IGF1R: variants seen among roughly 807,000 people sequenced by gnomAD.
The protein encoded by IGF1R is insulin like growth factor 1 receptor, also known as insulin-like growth factor 1 receptor.
A neutral mutation model predicts 144.6 loss-of-function variants in IGF1R; 44 were observed. The observed-to-expected ratio is 0.30, with a 90% CI of 0.24 to 0.39. The LOEUF (loss-of-function observed/expected upper bound fraction) is 0.39. Ranked by LOEUF, IGF1R falls within the 10% of genes least tolerant of loss-of-function variation. The probability of loss-of-function intolerance (pLI) is 1.00; values close to 1 mark genes in which losing one functional copy is unlikely to be tolerated. For missense variants in IGF1R, 1,355 were observed against 1,833.7 expected, an observed-to-expected ratio of 0.74 and a Z score of 4.77; for synonymous variants, 795 against 722.8, an observed-to-expected ratio of 1.10 and a Z score of -1.60.
intron 5 of IGF1R, 34 bp from the exon 6 acceptor site, chr15:98,908,651 G>T: frequency 2.6e-6 from 4 of 1,568,598 alleles, no homozygotes; most frequent in Non-Finnish European, 3.5e-6. Flanking sequence ...GTGGCCAAGG[G>T]CAGGTGCGCT....
chr15:98,658,138 C>A (rs150468876), intron 1 of IGF1R, among the ~76,000 whole-genome samples: 2 of 152,178 alleles, frequency 1.3e-5, no homozygotes, highest in Non-Finnish European at 2.9e-5. Context: ...TCCTGGTACT[C>A]CCCAGCATCT....
At chr15:98,680,890 C>CTTTTTTTTTTT (rs1555431223) in intron 1 of IGF1R, among the ~76,000 whole-genome samples, 1 of 132,878 alleles carries the variant, frequency 7.5e-6, no homozygotes. Context: ...ATCCTTCTTA[C>CTTTTTTTTTTT]TATATTTTTA....
In IGF1R at chr15:98,964,372, T is replaced by A; in HGVS notation, c.*6930T>A. On this transcript the variant is annotated 3_prime_UTR_variant, in exon 21 of 21. Coordinates refer to ENST00000650285, the MANE Select transcript of IGF1R (RefSeq NM_000875.5). ...TTGTATATTCTGTTGTAAGAATTTA[T>A]TCCTGTTATTGCGATATACTCTGGA... 8.7e-6 allele frequency: 2 copies of A among 230,914 alleles called. No individual in the cohort carries two copies. The highest frequency in any genetic ancestry group is 1.7e-5 in the Non-Finnish European group (2 of 116,452). 14.3% of individuals were successfully genotyped at this position (230,914 alleles called of 1,614,324 possible). A position where few individuals can be genotyped will look rare whatever the true frequency, so the allele number is the denominator to read the frequency against.
chr15:98,861,964 C>T (rs901791935), intron 2 of IGF1R, among the ~76,000 whole-genome samples: 1 of 152,150 alleles, frequency 6.6e-6, no homozygotes, highest in African/African-American at 2.4e-5. Flanking sequence ...TTTTGTTATT[C>T]CCCAATGAGG....
At position 98,963,901 on chromosome 15, in the gene IGF1R, A is replaced by G. The variant is rs1032954567; in HGVS notation, c.*6459A>G. 7 of 233,286 alleles carry G rather than the reference A, an allele frequency of 3.0e-5. No homozygotes were observed. Among genetic ancestry groups the G allele is most frequent in the Admixed American group, 5.6e-5 (1 of 17,804 alleles). 14.5% of individuals were successfully genotyped at this position (233,286 alleles called of 1,614,324 possible). A position where few individuals can be genotyped will look rare whatever the true frequency, so the allele number is the denominator to read the frequency against. ...TTGGCCATGTCTCCCCAACTCCACAATATCTCTATCATGGGAAACACCTGG... is the reference window on the plus strand; with the variant it reads ...TTGGCCATGTCTCCCCAACTCCACAGTATCTCTATCATGGGAAACACCTGG... On this transcript the variant is annotated 3_prime_UTR_variant, in exon 21 of 21. Coordinates refer to ENST00000650285, the MANE Select transcript of IGF1R (RefSeq NM_000875.5).
intron 15 of IGF1R, among the ~76,000 whole-genome samples, chr15:98,933,813 C>T (rs538376322): frequency 6.6e-6 from 1 of 152,194 alleles, no homozygotes; most frequent in East Asian, 1.9e-4. Flanking sequence ...ATTGCCTGTC[C>T]ACGCTGGGCA....
intron 1 of IGF1R, among the ~76,000 whole-genome samples, chr15:98,706,944 T>TC (rs2053878411): frequency 6.6e-6 from 1 of 151,998 alleles, no homozygotes; most frequent in Non-Finnish European, 1.5e-5. Flanking sequence ...GTTTTTAATC[T>TC]TGTTAGGTTA....
chr15:98,797,884 T>G (rs1313244464), intron 2 of IGF1R, among the ~76,000 whole-genome samples: 1 of 152,116 alleles, frequency 6.6e-6, no homozygotes, highest in Non-Finnish European at 1.5e-5. Flanking sequence ...AAATACAGAC[T>G]CACTGATTGT....
chr15:98,906,229 G>A (rs1378456187), intron 5 of IGF1R, among the ~76,000 whole-genome samples: 2 of 152,220 alleles, frequency 1.3e-5, no homozygotes, highest in African/African-American at 4.8e-5. Flanking sequence ...TTGTTCAGAA[G>A]GTATTTTTGG....
At chr15:98,751,391 A>G (rs1165235270) in intron 2 of IGF1R, among the ~76,000 whole-genome samples, 1 of 152,052 alleles carries the variant, frequency 6.6e-6, no homozygotes, top group East Asian at 1.9e-4. Context: ...AGTTTTTTGT[A>G]GAAGTGATGC....
chr15:98,700,132 C>G (rs1446551225), intron 1 of IGF1R, among the ~76,000 whole-genome samples: 1 of 152,072 alleles, frequency 6.6e-6, no homozygotes, highest in Non-Finnish European at 1.5e-5. Context: ...CTTTTCTGAT[C>G]TCTGATTTTT....
chr15:98,757,541 C>G (rs2055184732), intron 2 of IGF1R, among the ~76,000 whole-genome samples: 1 of 152,036 alleles, frequency 6.6e-6, no homozygotes, highest in African/African-American at 2.4e-5. Flanking sequence ...CTTGATGCAT[C>G]AATATGTGTA....
intron 2 of IGF1R, among the ~76,000 whole-genome samples, chr15:98,804,054 T>G (rs775690802): frequency 6.6e-6 from 1 of 152,218 alleles, no homozygotes; most frequent in Non-Finnish European, 1.5e-5. Context: ...AGGAATTTTC[T>G]AGCTATATTC....
Position 98,918,643 on chromosome 15 carries a change from G to A in IGF1R, c.2201+1767G>A, listed in dbSNP as rs139067826. Reference sequence around the variant, plus strand: ...CGCCTGTAATCCCAGCACTTTGGGAGGCTGAGGTGGGTGGATCACAAGATC... The same window carrying A: ...CGCCTGTAATCCCAGCACTTTGGGAAGCTGAGGTGGGTGGATCACAAGATC... On this transcript the variant is annotated intron_variant, in intron 10 of 20. Coordinates refer to ENST00000650285, the MANE Select transcript of IGF1R (RefSeq NM_000875.5). 8.5e-3 allele frequency among the ~76,000 whole-genome samples: 1,299 copies of A among 152,262 alleles called. 20 individuals carry two copies. Among genetic ancestry groups the A allele is most frequent in the African/African-American group, 0.024 (992 of 41,548 alleles).
chr15:98,897,024 G>C, intron 4 of IGF1R, 119 bp downstream of exon 4: 2 of 912,210 alleles, frequency 2.2e-6, no homozygotes, highest in Non-Finnish European at 3.5e-6. Context: ...ACAACATGGT[G>C]TGTAAGCCTC....
chr15:98,894,887 G>A (rs1432059473), intron 3 of IGF1R, among the ~76,000 whole-genome samples: 1 of 152,118 alleles, frequency 6.6e-6, no homozygotes, highest in Admixed American at 6.5e-5. Flanking sequence ...CGGGCCTGGT[G>A]ATGGGTGCCT....
chr15:98,851,046 G>A (rs929264509), intron 2 of IGF1R, among the ~76,000 whole-genome samples: 1 of 152,172 alleles, frequency 6.6e-6, no homozygotes, highest in African/African-American at 2.4e-5. Flanking sequence ...AACCGATTTC[G>A]GAGCACTCCT....
chr15:98,955,222 C>T (rs2016931389), intron 20 of IGF1R, among the ~76,000 whole-genome samples: 1 of 152,196 alleles, frequency 6.6e-6, no homozygotes, highest in Admixed American at 6.5e-5. Flanking sequence ...TGGCATTCTA[C>T]CGTGGGGTAG....
chr15:98,956,997 A>G (rs919188022), intron 20 of IGF1R, 64 bp from the exon 21 acceptor site: 8 of 1,593,964 alleles, frequency 5.0e-6, no homozygotes, highest in Middle Eastern at 3.3e-4. Context: ...CAGGCGGCCC[A>G]TGAAGCCTCC....
Sources: gnomAD v4.1 joint callset for allele counts (sites outside exome capture counted in the v4.1 genomes callset) on GRCh38, gnomAD v4.1.1 for gene constraint, MANE v1.5 for transcripts, NCBI Gene and HGNC (gene_info 2026-07-23, HGNC 2026-07-21) for gene names.